Variants in DPP10 observed in about 807,000 individuals in gnomAD.
DPP10 encodes the protein dipeptidyl peptidase like 10.
In DPP10, 33 loss-of-function variants were observed where a neutral mutation model predicts 120.9. The ratio of observed to expected loss-of-function variants is 0.27; its 90% CI spans 0.21 to 0.37. DPP10 has a LOEUF of 0.37. Among genes scored for constraint, DPP10 ranks in the 10% least tolerant of loss-of-function variants. The pLI, the probability that DPP10 is intolerant of heterozygous loss-of-function variation, is 1.00. For synonymous variants in DPP10, 337 were observed against 326.1 expected (o/e 1.03, Z -0.36); for missense variants, 816 against 942.8 (o/e 0.87, Z 1.76).
intron 1 of DPP10, among the ~76,000 whole-genome samples, chr2:115,119,289 C>A (rs963252216): frequency 1.3e-5 from 2 of 152,138 alleles, no homozygotes; most frequent in Non-Finnish European, 2.9e-5. Context: ...ACTGTGCATG[C>A]CTGAACCCAC....
At chr2:115,414,819 A>C (rs188993424) in intron 3 of DPP10, among the ~76,000 whole-genome samples, 1 of 152,350 alleles carries the variant, frequency 6.6e-6, no homozygotes, top group African/African-American at 2.4e-5. Flanking sequence ...ATGCATCAAA[A>C]GCCAACTGCA....
At chr2:114,754,929 G>T (rs1215644748) in intron 1 of DPP10, among the ~76,000 whole-genome samples, 1 of 151,994 alleles carries the variant, frequency 6.6e-6, no homozygotes, top group Non-Finnish European at 1.5e-5. Context: ...GCAAACAAAG[G>T]GGCTATATTT....
At chr2:114,485,359 C>T (rs1229327145) in intron 1 of DPP10, among the ~76,000 whole-genome samples, 2 of 151,832 alleles carry the variant, frequency 1.3e-5, no homozygotes, top group African/African-American at 4.8e-5. Context: ...AAAAAGCTGA[C>T]TGGTTAATGT....
intron 1 of DPP10, among the ~76,000 whole-genome samples, chr2:115,271,059 C>T (rs1487458938): frequency 6.6e-6 from 1 of 152,150 alleles, no homozygotes; most frequent in Non-Finnish European, 1.5e-5. Context: ...AAGCTCTTTC[C>T]ACCACATAAT....
At chr2:114,557,896 G>A (rs1238364312) in intron 1 of DPP10, among the ~76,000 whole-genome samples, 1 of 152,160 alleles carries the variant, frequency 6.6e-6, no homozygotes, top group Non-Finnish European at 1.5e-5. Flanking sequence ...GACATGGGAT[G>A]TATTTTGATC....
chr2:115,545,113 A>G (rs1455389164), intron 5 of DPP10, among the ~76,000 whole-genome samples: 1 of 152,060 alleles, frequency 6.6e-6, no homozygotes, highest in Non-Finnish European at 1.5e-5. Context: ...GACCTAGATG[A>G]TATGTTTCCA....
intron 1 of DPP10, among the ~76,000 whole-genome samples, chr2:114,769,276 G>A (rs1304440177): frequency 6.6e-6 from 1 of 152,140 alleles, no homozygotes; most frequent in Admixed American, 6.6e-5. Context: ...AATTCTCTGA[G>A]CTGGTGGTTA....
rs529810193 is a variant in DPP10 at position 114,930,940 on chromosome 2, C to T, written c.61-378299C>T. Among the ~76,000 whole-genome samples, 10 of 152,316 alleles carry T rather than the reference C, an allele frequency of 6.6e-5. No homozygotes were observed. In the South Asian group the frequency reaches 1.7e-3, roughly 25 times the overall value. ...AAGCAGTTCATAAAGGATTTACCCC[C>T]ATGTCTCAAACACTTGCCAAAATGC... On this transcript the variant is annotated intron_variant, in intron 1 of 25. Coordinates refer to ENST00000410059, the MANE Select transcript of DPP10 (RefSeq NM_020868.6).
intron 1 of DPP10, among the ~76,000 whole-genome samples, chr2:115,133,111 A>ATG (rs1167771808): frequency 2.1e-5 from 2 of 94,088 alleles, no homozygotes; most frequent in East Asian, 2.8e-4. Context: ...ATATATGTAT[A>ATG]TGTATGTGTG....
chr2:115,526,497 G>A (rs1575097114), intron 5 of DPP10: 1 of 152,202 alleles, frequency 6.6e-6, no homozygotes, highest in South Asian at 2.1e-4. Context: ...CAAATAAAAT[G>A]TTCTAATTGA....
intron 5 of DPP10, among the ~76,000 whole-genome samples, chr2:115,549,926 A>T (rs1282719456): frequency 6.6e-6 from 1 of 152,038 alleles, no homozygotes; most frequent in East Asian, 1.9e-4. Context: ...CATTCTCCCA[A>T]CTGCAATGCC....
chr2:115,014,550 C>T (rs1246582338), intron 1 of DPP10, among the ~76,000 whole-genome samples: 1 of 151,934 alleles, frequency 6.6e-6, no homozygotes, highest in East Asian at 1.9e-4. Flanking sequence ...ACCAATGAAT[C>T]CAGGAGCTGG....
At chr2:114,836,331 C>T (rs1173459889) in intron 1 of DPP10, among the ~76,000 whole-genome samples, 3 of 152,076 alleles carry the variant, frequency 2.0e-5, no homozygotes, top group Non-Finnish European at 4.4e-5. Flanking sequence ...TTTCTGTTTT[C>T]CCTAAGCATT....
intron 1 of DPP10, among the ~76,000 whole-genome samples, chr2:115,104,699 T>C (rs550184315): frequency 1.3e-5 from 2 of 152,188 alleles, no homozygotes; most frequent in South Asian, 2.1e-4. Context: ...TCTTCTCTTA[T>C]GTTATGTAGG....
intron 19 of DPP10, among the ~76,000 whole-genome samples, chr2:115,808,207 GC>G (rs1166612294): frequency 1.3e-5 from 2 of 152,182 alleles, no homozygotes; most frequent in South Asian, 2.1e-4. Flanking sequence ...TATAATTCAA[GC>G]CAGCGAAGAT....
rs945025747 is a variant in DPP10 at position 114,809,281 on chromosome 2, C to T, written c.60+366443C>T. 3.9e-5 allele frequency among the ~76,000 whole-genome samples: 6 copies of T among 152,148 alleles called. No homozygotes were observed. In the East Asian group the frequency reaches 1.2e-3, roughly 29 times the overall value. On this transcript the variant is annotated intron_variant, in intron 1 of 25. Coordinates refer to ENST00000410059, the MANE Select transcript of DPP10 (RefSeq NM_020868.6). ...GAGATTAGAAAGAACTATGTTTACT[C>T]CTCTGTAAGAAGGCCATTTAGATAA...
chr2:115,409,834 A>G (rs942102222), intron 3 of DPP10, among the ~76,000 whole-genome samples: 1 of 152,238 alleles, frequency 6.6e-6, no homozygotes, highest in African/African-American at 2.4e-5. Context: ...ACTAAGCCAT[A>G]AAAAGAAACA....
At chr2:114,579,534 C>T (rs149915077) in intron 1 of DPP10, among the ~76,000 whole-genome samples, 40 of 152,152 alleles carry the variant, frequency 2.6e-4, no homozygotes, top group African/African-American at 7.0e-4. Flanking sequence ...CCTAAGAGAA[C>T]CTTTTACCCC....
chr2:115,333,750 C>T (rs1276003721), intron 2 of DPP10, among the ~76,000 whole-genome samples: 1 of 151,998 alleles, frequency 6.6e-6, no homozygotes, highest in African/African-American at 2.4e-5. Context: ...TGAATATTGG[C>T]CCCCACTCTC....
Sources: gnomAD v4.1 joint callset for allele counts (sites outside exome capture counted in the v4.1 genomes callset) on GRCh38, gnomAD v4.1.1 for gene constraint, MANE v1.5 for transcripts, NCBI Gene and HGNC (gene_info 2026-07-23, HGNC 2026-07-21) for gene names.